The following DBF4 variants were observed in gnomAD, a reference collection of about 807,000 sequenced individuals.
The protein encoded by DBF4 is protein DBF4 homolog A.
Under a neutral mutation model 76.6 loss-of-function variants are expected in DBF4, and 25 were observed. The observed-to-expected ratio is 0.33, with a 90% CI of 0.24 to 0.46. DBF4 has a LOEUF of 0.46. DBF4 is among the 20% of genes least tolerant of loss of function. DBF4 has a pLI of 1.00. For missense variants in DBF4, 638 were observed against 760.8 expected (o/e 0.84, Z 1.90); for synonymous variants, 213 against 258.0 (o/e 0.83, Z 1.67).
intron 3 of DBF4, among the ~76,000 whole-genome samples, 171 bp from the exon 4 acceptor site, chr7:87,886,673 C>G (rs1322573861): frequency 2.0e-5 from 3 of 151,440 alleles, no homozygotes; most frequent in African/African-American, 7.3e-5. Flanking sequence ...TGAAACCTAG[C>G]TATTTTATTT....
Position 87,898,379 on chromosome 7 carries a change from C to T in DBF4, c.680+1040C>T, listed in dbSNP as rs183968743. Among the ~76,000 whole-genome samples, 24 of 152,304 alleles carry T rather than the reference C, an allele frequency of 1.6e-4. No individual in the cohort carries two copies. The East Asian group carries it at 4.1e-3, about 26-fold the overall frequency. Reference sequence around the variant, plus strand: ...TGTTAATACCACCCAAAGTGATCTACAGATTCACTGCAATCCCTATCAAAA... The same window carrying T: ...TGTTAATACCACCCAAAGTGATCTATAGATTCACTGCAATCCCTATCAAAA... On this transcript the variant is annotated intron_variant, in intron 8 of 11. Transcript: ENST00000265728.
intron 2 of DBF4, among the ~76,000 whole-genome samples, chr7:87,882,141 C>T (rs1167407400): frequency 6.6e-6 from 1 of 152,070 alleles, no homozygotes; most frequent in Non-Finnish European, 1.5e-5. Flanking sequence ...GACATACAGA[C>T]CAATAGAGTA....
Position 87,907,765 on chromosome 7 carries a change from C to T in DBF4, c.1627C>T (p.Leu543=), listed in dbSNP as rs1839946409. ...AACAATAAACAGTTCACAAGAGCAC[C>T]TAACTGTTCAGGCAAAGGCTCCATT... The part of the protein sequence containing the change: ...LITINSSQEH[L]TVQAKAPFHT... The change falls in exon 12 of 12, where the codon CTA becomes TTA. Residue 543 remains leucine (L), a synonymous_variant. Coordinates refer to ENST00000265728, the MANE Select transcript of DBF4 (RefSeq NM_006716.4). 1 of 1,613,928 alleles carries T rather than the reference C, an allele frequency of 6.2e-7. No homozygotes were observed. Among genetic ancestry groups the T allele is most frequent in the African/African-American group, 1.3e-5 (1 of 74,902 alleles).
At chr7:87,905,384 A>G (rs190170100) in intron 11 of DBF4, among the ~76,000 whole-genome samples, 6 of 152,338 alleles carry the variant, frequency 3.9e-5, no homozygotes, top group Non-Finnish European at 7.3e-5. Context: ...AGACTAAAAC[A>G]TTTTATTGAA....
chr7:87,884,125 C>G (rs1164384231), intron 2 of DBF4, among the ~76,000 whole-genome samples: 1 of 152,134 alleles, frequency 6.6e-6, no homozygotes, highest in Non-Finnish European at 1.5e-5. Flanking sequence ...AAGTTGAAGC[C>G]TCAAGGGAAG....
At chr7:87,881,065 C>T (rs1293597526) in intron 2 of DBF4, among the ~76,000 whole-genome samples, 1 of 152,194 alleles carries the variant, frequency 6.6e-6, no homozygotes, top group Non-Finnish European at 1.5e-5. Flanking sequence ...ATTGATTCAA[C>T]AAATGTTTGA....
At chr7:87,894,453 G>GAAA (rs1351520024) in intron 6 of DBF4, among the ~76,000 whole-genome samples, 1 of 151,042 alleles carries the variant, frequency 6.6e-6, no homozygotes, top group Non-Finnish European at 1.5e-5. Flanking sequence ...CTGTCTCGGG[G>GAAA]AAAAAAAAGA....
intron 10 of DBF4, among the ~76,000 whole-genome samples, chr7:87,901,342 G>GTGC (rs1839783683): frequency 1.3e-5 from 2 of 152,148 alleles, no homozygotes; most frequent in African/African-American, 4.8e-5. Flanking sequence ...AGATAAGTAA[G>GTGC]TGCAAAGGTC....
intron 3 of DBF4, among the ~76,000 whole-genome samples, chr7:87,886,474 G>T (rs1839354546): frequency 7.3e-6 from 1 of 137,058 alleles, no homozygotes; most frequent in Non-Finnish European, 1.5e-5. Context: ...GGCAGAGGTT[G>T]CAATGAGCTG....
intron 2 of DBF4, among the ~76,000 whole-genome samples, chr7:87,880,462 AT>A (rs1839183441): frequency 6.6e-6 from 1 of 152,180 alleles, no homozygotes. Context: ...CTCCTAAAAA[AT>A]GTCTTATTTA....
At position 87,907,739 on chromosome 7, in the gene DBF4, TAAC is replaced by T. The variant is rs1388575245; in HGVS notation, c.1604_1606del (p.Thr535del). The T allele has an allele frequency of 6.2e-7, 1 of 1,613,952 alleles. No homozygotes were observed. Among genetic ancestry groups the T allele is most frequent in the Non-Finnish European group, 8.5e-7 (1 of 1,179,958 alleles). ...ATATTTACTCATGATTCTGGTCTGA[TAAC>T]AATAAACAGTTCACAAGAGCACCTA... On this transcript the variant is annotated inframe_deletion, in exon 12 of 12. Transcript: ENST00000265728.
chr7:87,895,002 A>T (rs1562762700), intron 6 of DBF4, among the ~76,000 whole-genome samples: 1 of 152,108 alleles, frequency 6.6e-6, no homozygotes, highest in Non-Finnish European at 1.5e-5. Flanking sequence ...TTGACAATAA[A>T]GTTAGACATC....
chr7:87,900,367 CT>C lies in DBF4; in HGVS notation c.809+22del, dbSNP rs755333183. On this transcript the variant is annotated intron_variant, in intron 9 of 11. Coordinates refer to ENST00000265728, the MANE Select transcript of DBF4 (RefSeq NM_006716.4). Reference sequence around the variant, plus strand: ...AAACTAAGGTTGGTTTGAATCTTTACTTTTAGAAGGAATATTCAGAATTTCA... The same window carrying C: ...AAACTAAGGTTGGTTTGAATCTTTACTTTAGAAGGAATATTCAGAATTTCA... The C allele has an allele frequency of 6.4e-7, 1 of 1,570,886 alleles. No homozygotes were observed. The highest frequency in any genetic ancestry group is 2.1e-5 in the Admixed American group (1 of 48,602).
At chr7:87,905,933 G>T (rs754335917) in intron 11 of DBF4, among the ~76,000 whole-genome samples, 1 of 151,742 alleles carries the variant, frequency 6.6e-6, no homozygotes, top group Admixed American at 6.6e-5. Context: ...AGGCCGAGGC[G>T]GGCAGATCAC....
intron 10 of DBF4, 143 bp downstream of exon 10, chr7:87,901,021 C>T (rs896915909): frequency 1.5e-6 from 1 of 678,806 alleles, no homozygotes; most frequent in Non-Finnish European, 2.5e-6. Flanking sequence ...AATTTTTATT[C>T]AGCAAATACT....
intron 8 of DBF4, among the ~76,000 whole-genome samples, chr7:87,898,020 C>T (rs1251894270): frequency 6.6e-6 from 1 of 152,164 alleles, no homozygotes. Context: ...TCAAGTGATC[C>T]GCCTGCCTCA....
At chr7:87,898,291 A>G (rs1299584490) in intron 8 of DBF4, among the ~76,000 whole-genome samples, 2 of 152,324 alleles carry the variant, frequency 1.3e-5, no homozygotes, top group East Asian at 3.9e-4. Context: ...AGGCCTAGAA[A>G]AGACACTAGT....
At chr7:87,901,644 T>C (rs565992958) in intron 10 of DBF4, among the ~76,000 whole-genome samples, 2 of 152,082 alleles carry the variant, frequency 1.3e-5, no homozygotes, top group East Asian at 3.9e-4. Flanking sequence ...TTGCAAAGGG[T>C]ATATAGGATG....
chr7:87,893,391 G>A (rs10241736), intron 6 of DBF4, among the ~76,000 whole-genome samples: 7,403 of 151,494 alleles, frequency 0.049, 274 homozygotes, highest in East Asian at 0.091. Flanking sequence ...GACTACAGGC[G>A]CCCGCCACCG....
Sources: allele counts gnomAD v4.1 joint callset (sites outside exome capture counted in the v4.1 genomes callset), GRCh38; gene constraint gnomAD v4.1.1; transcripts MANE v1.5; gene names NCBI Gene and HGNC (gene_info 2026-07-23, HGNC 2026-07-21).